GLRX2: variants seen among roughly 807,000 people sequenced by gnomAD.
GLRX2 encodes glutaredoxin 2.
In GLRX2, 12 loss-of-function variants were observed where a neutral mutation model predicts 16.4. That is an observed-to-expected ratio of 0.73 (90% CI 0.47 to 1.19). The LOEUF (loss-of-function observed/expected upper bound fraction) is 1.19. GLRX2 is among the 50% of genes most tolerant of loss of function. GLRX2 has a pLI of 0.00. For synonymous variants in GLRX2, 95 were observed against 76.2 expected (o/e 1.25, Z -1.28); for missense variants, 201 against 201.8 (o/e 1.00, Z 0.02).
chr1:193,104,589 G>C (rs1328808585), intron 1 of GLRX2, among the ~76,000 whole-genome samples: 2 of 152,262 alleles, frequency 1.3e-5, no homozygotes, highest in African/African-American at 4.8e-5. Flanking sequence ...TGGCAGGCGC[G>C]GAAGTGCGAG....
chr1:193,096,772 C>T lies in GLRX2; in HGVS notation c.361-13G>A. On this transcript the variant is annotated splice_polypyrimidine_tract_variant and intron_variant, in intron 3 of 3. Coordinates refer to ENST00000367439, the MANE Select transcript of GLRX2 (RefSeq NM_197962.3). ...ATATTCTTGGAACCTGTTGGACAAA[C>T]AAAAGAAGAATTAGGCTTTACTCTA... 4 of 1,592,800 alleles carry T rather than the reference C, an allele frequency of 2.5e-6. No homozygotes were observed. The highest frequency in any genetic ancestry group is 3.4e-6 in the Non-Finnish European group (4 of 1,169,766).
chr1:193,101,194 T>A lies in GLRX2; in HGVS notation c.130A>T (p.Asn44Tyr). The change falls in exon 2 of 4, where the codon AAT becomes TAT. Residue 44 changes from asparagine (N) to tyrosine (Y), a missense_variant. By Grantham distance (143) the Asn-to-Tyr change is moderately radical. Transcript: ENST00000367439. ...AAAAASGMES[N>Y]TSSSLENLAT... ...AAATTCTCCAAAGATGATGATGTAT[T>A]GCTCTCCATCCTAAAAGGAATTTAA... The A allele has an allele frequency of 6.2e-7, 1 of 1,601,414 alleles. No homozygotes were observed. Among genetic ancestry groups the A allele is most frequent in the East Asian group, 2.2e-5 (1 of 44,806 alleles).
In GLRX2 at chr1:193,096,474, T is replaced by C; in HGVS notation, c.*151A>G. 2.2e-6 allele frequency: 1 copy of C among 461,200 alleles called. No homozygotes were observed. 28.6% of individuals were successfully genotyped at this position (461,200 alleles called of 1,614,324 possible). A position where few individuals can be genotyped will look rare whatever the true frequency, so the allele number is the denominator to read the frequency against. ...AGAATTGGCAAGTGGGAAGAAGAGGTTTCCACCGCAATTTATTGTTCATTA... is the reference window on the plus strand; with the variant it reads ...AGAATTGGCAAGTGGGAAGAAGAGGCTTCCACCGCAATTTATTGTTCATTA... On this transcript the variant is annotated 3_prime_UTR_variant, in exon 4 of 4. Transcript: ENST00000367439.
chr1:193,106,064 T>C (rs1188088939), upstream of GLRX2: 1 of 986,368 alleles, frequency 1.0e-6, no homozygotes, highest in African/African-American at 1.7e-5. Context: ...AAATGGGCGA[T>C]TGCTGTTGAC....
At chr1:193,104,624 C>G (rs1437126387) in intron 1 of GLRX2, among the ~76,000 whole-genome samples, 1 of 152,260 alleles carries the variant, frequency 6.6e-6, no homozygotes, top group Non-Finnish European at 1.5e-5. Context: ...AGGCACCAGC[C>G]GCGCGGGCGT....
chr1:193,101,327 T>G (rs552858842), intron 1 of GLRX2, 123 bp from the exon 2 acceptor site: 1 of 670,840 alleles, frequency 1.5e-6, no homozygotes, highest in East Asian at 2.7e-5. Context: ...TAGAAAAAAA[T>G]TTTACTTATT....
At chr1:193,105,820 T>C, upstream of GLRX2, 1 of 1,319,186 alleles carries the variant, frequency 7.6e-7, no homozygotes, top group Non-Finnish European at 9.6e-7. Flanking sequence ...TACACAAGTT[T>C]TTGTGTGGAT....
At chr1:193,105,448 T>A, upstream of GLRX2, 1 of 1,447,242 alleles carries the variant, frequency 6.9e-7, no homozygotes, top group Non-Finnish European at 9.0e-7. Context: ...GCCCGCCTCC[T>A]CCGGCCCGGC....
At chr1:193,103,137 T>C (rs940809287) in intron 1 of GLRX2, among the ~76,000 whole-genome samples, 1 of 152,098 alleles carries the variant, frequency 6.6e-6, no homozygotes, top group African/African-American at 2.4e-5. Flanking sequence ...CCTAAAGTGC[T>C]TCCTTTAAGT....
At chr1:193,101,924 A>G (rs1044931962) in intron 1 of GLRX2, among the ~76,000 whole-genome samples, 1 of 152,032 alleles carries the variant, frequency 6.6e-6, no homozygotes, top group Non-Finnish European at 1.5e-5. Context: ...AAAAAACTCA[A>G]CCAGTTTATC....
intron 1 of GLRX2, among the ~76,000 whole-genome samples, chr1:193,103,989 G>A (rs995075875): frequency 1.3e-5 from 2 of 152,108 alleles, no homozygotes; most frequent in Admixed American, 1.3e-4. Flanking sequence ...GAGCATTGGT[G>A]GAATAAATCA....
At chr1:193,105,645 C>A, upstream of GLRX2, 1 of 1,598,454 alleles carries the variant, frequency 6.3e-7, no homozygotes, top group South Asian at 1.1e-5. Flanking sequence ...TCATCCGAGC[C>A]CCGCCTCTGG....
intron 1 of GLRX2, among the ~76,000 whole-genome samples, chr1:193,103,306 CA>C (rs537095336): frequency 2.0e-4 from 30 of 152,104 alleles, no homozygotes; most frequent in Non-Finnish European, 3.8e-4. Flanking sequence ...GTTACAGCCA[CA>C]AGGTATAAGT....
intron 2 of GLRX2, among the ~76,000 whole-genome samples, chr1:193,100,384 G>T (rs1348391460): frequency 6.6e-6 from 1 of 152,194 alleles, no homozygotes; most frequent in Non-Finnish European, 1.5e-5. Flanking sequence ...TGAGGCAGGA[G>T]AATTGCTTGA....
Position 193,105,391 on chromosome 1 carries a change from C to T in GLRX2, c.-9G>A, listed in dbSNP as rs766254093. The T allele has an allele frequency of 6.5e-7, 1 of 1,535,346 alleles. No individual in the cohort carries two copies. Among genetic ancestry groups the T allele is most frequent in the Non-Finnish European group, 8.7e-7 (1 of 1,151,428 alleles). On this transcript the variant is annotated 5_prime_UTR_variant, in exon 1 of 4. Transcript: ENST00000367439. ...GCGCGGCGCCAAATCATGGTCAGAG[C>T]CCGGATCTGCAGCGAGCTCTACTGC...
At chr1:193,104,670 C>T (rs998939988) in intron 1 of GLRX2, among the ~76,000 whole-genome samples, 3 of 152,232 alleles carry the variant, frequency 2.0e-5, no homozygotes, top group African/African-American at 7.2e-5. Flanking sequence ...CACTGCAGGT[C>T]CCGAAGCCGC....
intron 2 of GLRX2, among the ~76,000 whole-genome samples, chr1:193,099,152 A>T (rs996187190): frequency 5.3e-5 from 8 of 152,330 alleles, no homozygotes; most frequent in African/African-American, 1.9e-4. Flanking sequence ...TATAATGATG[A>T]TATCAGCCTG....
Position 193,097,653 on chromosome 1 carries a change from C to T in GLRX2, c.291G>A (p.Val97=). 6.2e-7 allele frequency: 1 copy of T among 1,613,446 alleles called. No individual in the cohort carries two copies. Among genetic ancestry groups the T allele is most frequent in the Non-Finnish European group, 8.5e-7 (1 of 1,179,692 alleles). Residue 97 remains valine, a synonymous_variant, in exon 3 of 4, where the codon GTG becomes GTA. Transcript: ENST00000367439. ...TTCCATATTCAAGCAGGTCCAGTTC[C>T]ACCACTTTATAGTTAACATTCATGT... ...FHDMNVNYKV[V]ELDLLEYGNQ...
chr1:193,103,045 T>C (rs1675110436), intron 1 of GLRX2, among the ~76,000 whole-genome samples: 1 of 151,942 alleles, frequency 6.6e-6, no homozygotes, highest in Admixed American at 6.6e-5. Flanking sequence ...AGAGTGAAAC[T>C]CCGTCTTAAA....
Sources: allele counts gnomAD v4.1 joint callset (sites outside exome capture counted in the v4.1 genomes callset), GRCh38; gene constraint gnomAD v4.1.1; transcripts MANE v1.5; gene names NCBI Gene and HGNC (gene_info 2026-07-23, HGNC 2026-07-21).